Variants in KIAA0825 observed in about 807,000 individuals in gnomAD.
The protein encoded by KIAA0825 is uncharacterized protein KIAA0825.
Under a neutral mutation model 147.6 loss-of-function variants are expected in KIAA0825, and 119 were observed. The observed-to-expected ratio is 0.81, with a 90% CI of 0.69 to 0.94. The LOEUF (loss-of-function observed/expected upper bound fraction) is 0.94. Ranked by LOEUF, KIAA0825 falls within the 40% of genes least tolerant of loss-of-function variation. The probability of loss-of-function intolerance (pLI) is 0.00; values close to 1 mark genes in which losing one functional copy is unlikely to be tolerated. For missense variants in KIAA0825, 1,381 were observed against 1,472.7 expected (o/e 0.94, Z 1.02); for synonymous variants, 470 against 518.1 (o/e 0.91, Z 1.26).
intron 5 of KIAA0825, among the ~76,000 whole-genome samples, chr5:94,499,450 T>C (rs1764776530): frequency 1.3e-5 from 2 of 152,152 alleles, no homozygotes; most frequent in Non-Finnish European, 1.5e-5. Context: ...CACGGTTCCA[T>C]TTCATCTTGA....
At chr5:94,514,942 C>T (rs1766998590) in intron 5 of KIAA0825, among the ~76,000 whole-genome samples, 1 of 152,170 alleles carries the variant, frequency 6.6e-6, no homozygotes, top group African/African-American at 2.4e-5. Context: ...GTCAACCTTT[C>T]ATCCACTGCA....
intron 20 of KIAA0825, among the ~76,000 whole-genome samples, chr5:94,233,187 C>A (rs759393195): frequency 6.6e-6 from 1 of 152,152 alleles, no homozygotes. Context: ...TATAATTACT[C>A]TCTTGCATAG....
chr5:94,410,230 T>C (rs1340457072), intron 15 of KIAA0825, among the ~76,000 whole-genome samples: 3 of 145,048 alleles, frequency 2.1e-5, no homozygotes, highest in African/African-American at 7.5e-5. Context: ...AACTTGAAGA[T>C]GCAATAGAAA....
At chr5:94,316,124 G>A (rs928698065) in intron 20 of KIAA0825, among the ~76,000 whole-genome samples, 5 of 151,610 alleles carry the variant, frequency 3.3e-5, no homozygotes, top group East Asian at 1.9e-4. Context: ...TGTAGTACAC[G>A]CCATCTCGTG....
chr5:94,299,441 G>A (rs556884560), intron 20 of KIAA0825, among the ~76,000 whole-genome samples: 6 of 150,580 alleles, frequency 4.0e-5, no homozygotes, highest in South Asian at 4.2e-4. Context: ...GGCTGGTTTC[G>A]AACTCCTGGG....
chr5:94,266,758 CTT>C (rs762175997), intron 20 of KIAA0825, among the ~76,000 whole-genome samples: 3 of 151,976 alleles, frequency 2.0e-5, no homozygotes, highest in Non-Finnish European at 4.4e-5. Flanking sequence ...TAAAACATAA[CTT>C]ATGTTAATAT....
intron 14 of KIAA0825, among the ~76,000 whole-genome samples, chr5:94,425,348 C>G (rs554620184): frequency 5.3e-5 from 8 of 152,246 alleles, no homozygotes; most frequent in African/African-American, 1.9e-4. Flanking sequence ...ATCAATAAAC[C>G]TGATACATCA....
chr5:94,188,457 T>C (rs1243773848), intron 20 of KIAA0825, among the ~76,000 whole-genome samples: 2 of 152,192 alleles, frequency 1.3e-5, no homozygotes, highest in African/African-American at 4.8e-5. Flanking sequence ...TCAGTAACAT[T>C]TCCCAGTTCG....
At chr5:94,397,018 C>T (rs992364373) in intron 16 of KIAA0825, among the ~76,000 whole-genome samples, 4 of 151,948 alleles carry the variant, frequency 2.6e-5, no homozygotes, top group Admixed American at 2.6e-4. Context: ...CATCTCAGTC[C>T]ATTTATACCC....
At chr5:94,307,662 GT>G (rs1778833564) in intron 20 of KIAA0825, among the ~76,000 whole-genome samples, 1 of 151,730 alleles carries the variant, frequency 6.6e-6, no homozygotes, top group Non-Finnish European at 1.5e-5. Flanking sequence ...TCTAGATGAA[GT>G]TTCTTCCTTC....
chr5:94,164,461 G>C (rs1767853922), intron 20 of KIAA0825, among the ~76,000 whole-genome samples: 1 of 151,650 alleles, frequency 6.6e-6, no homozygotes. Context: ...GCCCAGGCTG[G>C]AGTGCAGTGG....
chr5:94,237,625 A>G (rs892711388), intron 20 of KIAA0825, among the ~76,000 whole-genome samples: 1 of 152,154 alleles, frequency 6.6e-6, no homozygotes, highest in Non-Finnish European at 1.5e-5. Context: ...AGTTGGTAGT[A>G]TACATTTTTT....
intron 20 of KIAA0825, among the ~76,000 whole-genome samples, chr5:94,158,283 T>G (rs893187765): frequency 1.3e-5 from 2 of 152,166 alleles, no homozygotes; most frequent in African/African-American, 4.8e-5. Context: ...CGAGACAGAC[T>G]AAGACTGCAT....
chr5:94,322,381 G>A (rs1780275367), intron 20 of KIAA0825, among the ~76,000 whole-genome samples: 1 of 151,594 alleles, frequency 6.6e-6, no homozygotes, highest in Admixed American at 6.6e-5. Context: ...TAGGGCAAAG[G>A]GTCCCCAGAC....
chr5:94,282,929 G>A lies in KIAA0825; in HGVS notation c.3710+101439C>T, dbSNP rs535794780. 5.3e-5 allele frequency among the ~76,000 whole-genome samples: 8 copies of A among 152,118 alleles called. No individual in the cohort carries two copies. In the South Asian group the frequency reaches 1.7e-3, roughly 32 times the overall value. On this transcript the variant is annotated intron_variant, in intron 20 of 20. Transcript: ENST00000682413. ...AGACAAAAGGTGTAAAAAATTCTGAGGGTGGAGAGAGGGCGTGCAAAATGA... is the reference window on the plus strand; with the variant it reads ...AGACAAAAGGTGTAAAAAATTCTGAAGGTGGAGAGAGGGCGTGCAAAATGA...
intron 20 of KIAA0825, among the ~76,000 whole-genome samples, chr5:94,356,988 G>T (rs1784356946): frequency 6.6e-6 from 1 of 151,970 alleles, no homozygotes; most frequent in African/African-American, 2.4e-5. Context: ...CTCCCAAAGT[G>T]CTGGGATTAC....
rs577206972 is a variant in KIAA0825 at position 94,307,577 on chromosome 5, C to CT, written c.3710+76790dup. Among the ~76,000 whole-genome samples the CT allele has an allele frequency of 3.3e-5, 5 of 151,522 alleles. No homozygotes were observed. In the South Asian group the frequency reaches 1.0e-3, roughly 32 times the overall value. Reference sequence around the variant, plus strand: ...TTCATGGTCTCCAAAATGCGATATGCTTTTTTTTCATCTTTGGCTCCTTGC... The same window carrying CT: ...TTCATGGTCTCCAAAATGCGATATGCTTTTTTTTTCATCTTTGGCTCCTTGC... On this transcript the variant is annotated intron_variant, in intron 20 of 20. Transcript: ENST00000682413.
chr5:94,575,462 C>A (rs775951189), intron 2 of KIAA0825, among the ~76,000 whole-genome samples: 4 of 152,146 alleles, frequency 2.6e-5, no homozygotes, highest in African/African-American at 4.8e-5. Context: ...GAAAACCAGG[C>A]CGCTGTTACA....
chr5:94,417,221 T>C lies in KIAA0825; in HGVS notation c.2642A>G (p.Asp881Gly), dbSNP rs1361155576. 1.3e-6 allele frequency: 2 copies of C among 1,550,762 alleles called. No individual in the cohort carries two copies. Among genetic ancestry groups the C allele is most frequent in the Non-Finnish European group, 1.7e-6 (2 of 1,146,478 alleles). The change falls in exon 15 of 21, where the codon GAC becomes GGC. Residue 881 changes from aspartate (D) to glycine (G), a missense_variant. By Grantham distance (94) the Asp-to-Gly change is moderately conservative. Coordinates refer to ENST00000682413, the MANE Select transcript of KIAA0825 (RefSeq NM_001145678.3). The part of the protein sequence containing the change: ...VSYMEEEQLW[D>G]FLYNIPVSTC... ...CATACCTGGGATGTTATATAAAAAG[T>C]CCCATAATTGCTCTTCTTCCATGTA...
Sources: allele counts gnomAD v4.1 joint callset (sites outside exome capture counted in the v4.1 genomes callset), GRCh38; gene constraint gnomAD v4.1.1; transcripts MANE v1.5; gene names NCBI Gene and HGNC (gene_info 2026-07-23, HGNC 2026-07-21).